GUCY1A1: variants seen among roughly 807,000 people sequenced by gnomAD.
The protein encoded by GUCY1A1 is guanylate cyclase 1 soluble subunit alpha 1.
GUCY1A1 carries 48 observed loss-of-function variants against 64.5 expected under a neutral mutation model. That is an observed-to-expected ratio of 0.74 (90% confidence interval 0.59 to 0.95). The LOEUF (loss-of-function observed/expected upper bound fraction) is 0.95, where lower values mean the gene tolerates loss of function less well. Among genes scored for constraint, GUCY1A1 ranks in the 40% least tolerant of loss-of-function variants. GUCY1A1 has a pLI of 0.00. For synonymous variants in GUCY1A1, 308 were observed against 303.4 expected (o/e 1.02, Z -0.16); for missense variants, 804 against 825.3 (o/e 0.97, Z 0.32).
intron 3 of GUCY1A1, 77 bp from the exon 4 acceptor site, chr4:155,703,855 G>A (rs1250799334): frequency 2.4e-6 from 2 of 820,080 alleles, no homozygotes; most frequent in Non-Finnish European, 2.0e-6. Context: ...AAATCTTCAG[G>A]ATGCATTTTT....
In GUCY1A1 at chr4:155,711,327, A is replaced by T. The variant is rs142945284; in HGVS notation, c.1086+76A>T. ...GAGCAAGAAACAAAAGGGTAAAAAT[A>T]TATGCATCACTTCAAATGTTTGATA... On this transcript the variant is annotated intron_variant, in intron 6 of 9. Coordinates refer to ENST00000506455, the MANE Select transcript of GUCY1A1 (RefSeq NM_001130682.3). The T allele has an allele frequency of 1.4e-4, 99 of 716,038 alleles. No homozygotes were observed. In the African/African-American group the frequency reaches 1.5e-3, roughly 11 times the overall value. The allele number at this position is 716,038 out of a possible 1,614,324, so 44.4% of individuals were successfully genotyped here.
At chr4:155,689,095 C>T (rs1203229419) in intron 2 of GUCY1A1, among the ~76,000 whole-genome samples, 2 of 150,234 alleles carry the variant, frequency 1.3e-5, no homozygotes, top group Non-Finnish European at 3.0e-5. Context: ...ACATTATTTC[C>T]CTAGCGATAG....
chr4:155,710,591 A>G lies in GUCY1A1; in HGVS notation c.426A>G (p.Lys142=), dbSNP rs202120947. The change falls in exon 6 of 10, where the codon AAA becomes AAG. Residue 142 remains lysine (K), a synonymous_variant. Coordinates refer to ENST00000506455, the MANE Select transcript of GUCY1A1 (RefSeq NM_001130682.3). ...AATCTCTTGGTGAAGAGGTTTTTAA[A>G]ATATGTTACGAGGAAGATGAAAACA... ...IKESLGEEVF[K]ICYEEDENIL... The G allele has an allele frequency of 3.7e-5, 60 of 1,611,798 alleles. No individual in the cohort carries two copies. The African/African-American group carries it at 7.3e-4, about 20-fold the overall frequency.
Position 155,733,984 on chromosome 4 carries a change from G to A in GUCY1A1, c.*3753G>A, listed in dbSNP as rs1203279332. Among the ~76,000 whole-genome samples the A allele has an allele frequency of 6.6e-6, 1 of 151,970 alleles. No homozygotes were observed. Among genetic ancestry groups the A allele is most frequent in the South Asian group, 2.1e-4 (1 of 4,822 alleles). ...CATTGGAATTTTATGTCACTCTCAA[G>A]GCTAATTAGTCTTTCAGATCCTTTG... On this transcript the variant is annotated 3_prime_UTR_variant, in exon 10 of 10. Transcript: ENST00000506455.
intron 8 of GUCY1A1, among the ~76,000 whole-genome samples, chr4:155,718,793 A>G (rs1342236895): frequency 6.6e-6 from 1 of 152,166 alleles, no homozygotes; most frequent in Non-Finnish European, 1.5e-5. Flanking sequence ...CTTCCACTGC[A>G]CTCTATCAGC....
At chr4:155,685,811 G>C (rs1224685069) in intron 2 of GUCY1A1, among the ~76,000 whole-genome samples, 5 of 152,052 alleles carry the variant, frequency 3.3e-5, no homozygotes, top group African/African-American at 1.2e-4. Flanking sequence ...GAAGAACTGT[G>C]AGAGTCACTA....
chr4:155,672,357 C>T (rs1273912100), intron 2 of GUCY1A1, among the ~76,000 whole-genome samples: 1 of 152,156 alleles, frequency 6.6e-6, no homozygotes, highest in Non-Finnish European at 1.5e-5. Context: ...TAGACACCGT[C>T]CTTTACGTTA....
chr4:155,683,231 T>C (rs1472241247), intron 2 of GUCY1A1, among the ~76,000 whole-genome samples: 3 of 151,940 alleles, frequency 2.0e-5, no homozygotes, highest in Non-Finnish European at 4.4e-5. Flanking sequence ...AAAACAACAC[T>C]AATAATAAGT....
Position 155,735,337 on chromosome 4 carries a change from T to C in GUCY1A1, c.*5106T>C, listed in dbSNP as rs929121485. 1.3e-5 allele frequency: 2 copies of C among 151,936 alleles called. No homozygotes were observed. Among genetic ancestry groups the C allele is most frequent in the Non-Finnish European group, 2.9e-5 (2 of 67,936 alleles). 9.4% of individuals were successfully genotyped at this position (151,936 alleles called of 1,614,324 possible). The stretch of plus-strand genomic sequence containing the variant: ...CCTAAGCAAAAGGAAAAAAAAGTGA[T>C]ATTCTAAAAGCCACACTTCTTTTAT... On this transcript the variant is annotated 3_prime_UTR_variant, in exon 10 of 10. Coordinates refer to ENST00000506455, the MANE Select transcript of GUCY1A1 (RefSeq NM_001130682.3).
At chr4:155,723,450 C>A (rs1049320190) in intron 9 of GUCY1A1, among the ~76,000 whole-genome samples, 2 of 152,004 alleles carry the variant, frequency 1.3e-5, no homozygotes, top group Admixed American at 1.3e-4. Flanking sequence ...GGAAAATAAA[C>A]CAATCCGTGG....
chr4:155,723,782 C>T (rs35006567), intron 9 of GUCY1A1, among the ~76,000 whole-genome samples: 5,733 of 152,102 alleles, frequency 0.038, 137 homozygotes, highest in Middle Eastern at 0.071. Context: ...CCTGCCTCAG[C>T]CTCCCAAGTA....
chr4:155,719,396 C>A (rs760288033), intron 8 of GUCY1A1, among the ~76,000 whole-genome samples: 7 of 151,986 alleles, frequency 4.6e-5, no homozygotes, highest in Non-Finnish European at 1.0e-4. Flanking sequence ...GACTTAACAT[C>A]GTCTCATTTA....
intron 9 of GUCY1A1, among the ~76,000 whole-genome samples, chr4:155,728,849 G>A (rs1177461788): frequency 6.6e-6 from 1 of 151,830 alleles, no homozygotes; most frequent in Non-Finnish European, 1.5e-5. Context: ...TGTGCTGCTA[G>A]AGCTATCAGA....
chr4:155,695,986 T>C (rs956371721), intron 2 of GUCY1A1, among the ~76,000 whole-genome samples: 1 of 152,076 alleles, frequency 6.6e-6, no homozygotes. Context: ...AAAACAAAAG[T>C]ACTGGGGGAA....
At chr4:155,721,366 C>G (rs1733937450) in intron 8 of GUCY1A1, among the ~76,000 whole-genome samples, 1 of 152,124 alleles carries the variant, frequency 6.6e-6, no homozygotes, top group African/African-American at 2.4e-5. Context: ...CAGACTGCCT[C>G]TTATATCTAG....
At chr4:155,675,571 C>T (rs1560909968) in intron 2 of GUCY1A1, among the ~76,000 whole-genome samples, 1 of 151,558 alleles carries the variant, frequency 6.6e-6, no homozygotes, top group Non-Finnish European at 1.5e-5. Context: ...AATTGTAAGT[C>T]ATATTCCTCT....
intron 8 of GUCY1A1, among the ~76,000 whole-genome samples, chr4:155,719,658 A>G (rs1052772419): frequency 6.6e-6 from 1 of 152,108 alleles, no homozygotes. Flanking sequence ...ATTTATTCCC[A>G]TTGATTTCCT....
intron 2 of GUCY1A1, among the ~76,000 whole-genome samples, chr4:155,694,352 G>T (rs190323880): frequency 2.8e-4 from 42 of 152,112 alleles, no homozygotes; most frequent in African/African-American, 9.4e-4. Flanking sequence ...AGACCAGCCT[G>T]GGTAACATAG....
At chr4:155,724,759 TA>T (rs1384372224) in intron 9 of GUCY1A1, among the ~76,000 whole-genome samples, 5 of 152,104 alleles carry the variant, frequency 3.3e-5, no homozygotes, top group African/African-American at 1.2e-4. Context: ...TGACTCTAAC[TA>T]TTTTTTAAAA....
Sources: allele counts gnomAD v4.1 joint callset (sites outside exome capture counted in the v4.1 genomes callset), GRCh38; gene constraint gnomAD v4.1.1; transcripts MANE v1.5; gene names NCBI Gene and HGNC (gene_info 2026-07-23, HGNC 2026-07-21).